Variants in TPH2 observed in about 807,000 individuals in gnomAD.
TPH2 encodes tryptophan hydroxylase 2, also known as tryptophan 5-hydroxylase 2.
A neutral mutation model predicts 59.1 loss-of-function variants in TPH2; 27 were observed. The ratio of observed to expected loss-of-function variants is 0.46; its 90% CI spans 0.34 to 0.63. The LOEUF is 0.63. Among genes scored for constraint, TPH2 ranks in the 30% least tolerant of loss-of-function variants. TPH2 has a pLI of 0.01. For synonymous variants in TPH2, 220 were observed against 210.5 expected (o/e 1.05, Z -0.39); for missense variants, 523 against 588.3 (o/e 0.89, Z 1.15).
At chr12:72,004,525 G>A (rs1872902530) in intron 8 of TPH2, among the ~76,000 whole-genome samples, 2 of 138,812 alleles carry the variant, frequency 1.4e-5, no homozygotes, top group South Asian at 6.0e-4. Context: ...TCCTGATATT[G>A]CGGACTTCTT....
intron 2 of TPH2, 112 bp downstream of exon 2, chr12:71,941,845 A>G (rs961439518): frequency 2.4e-6 from 3 of 1,258,464 alleles, no homozygotes; most frequent in South Asian, 1.2e-5. Context: ...GTGGTGAAAG[A>G]TTCAAAGGAA....
chr12:72,020,346 A>T (rs983354649), intron 8 of TPH2, among the ~76,000 whole-genome samples: 1 of 152,224 alleles, frequency 6.6e-6, no homozygotes, highest in African/African-American at 2.4e-5. Context: ...GGGATAGATG[A>T]TAAGCAGCAC....
intron 9 of TPH2, among the ~76,000 whole-genome samples, chr12:72,027,318 C>T (rs1873598665): frequency 6.6e-6 from 1 of 152,170 alleles, no homozygotes. Context: ...TGACTGAACA[C>T]ATATGTACAC....
intron 4 of TPH2, among the ~76,000 whole-genome samples, chr12:71,945,426 A>AT (rs201079707): frequency 0.014 from 2,077 of 152,164 alleles, 26 homozygotes; most frequent in South Asian, 0.023. Context: ...CATTATAGGC[A>AT]TTTTTTCCCT....
chr12:71,978,288 C>CTTAGACTG (rs1347238972), intron 6 of TPH2, among the ~76,000 whole-genome samples: 1 of 151,806 alleles, frequency 6.6e-6, no homozygotes, highest in African/African-American at 2.4e-5. Flanking sequence ...TTAAGTAGCC[C>CTTAGACTG]TTAGACTGAG....
chr12:71,993,989 G>A (rs894301736), intron 7 of TPH2, among the ~76,000 whole-genome samples: 2 of 152,166 alleles, frequency 1.3e-5, no homozygotes, highest in African/African-American at 4.8e-5. Flanking sequence ...ATACACAAAT[G>A]AATGGGCATG....
chr12:72,009,822 T>A (rs1250451533), intron 8 of TPH2, among the ~76,000 whole-genome samples: 1 of 152,208 alleles, frequency 6.6e-6, no homozygotes, highest in Non-Finnish European at 1.5e-5. Flanking sequence ...AAGAACACGA[T>A]GTAAACATCA....
intron 5 of TPH2, among the ~76,000 whole-genome samples, chr12:71,966,653 C>T (rs917954315): frequency 2.0e-5 from 3 of 152,138 alleles, no homozygotes; most frequent in Non-Finnish European, 2.9e-5. Context: ...TCACCCATTC[C>T]CTTACCCAAT....
chr12:72,015,754 T>G (rs1020083464), intron 8 of TPH2, among the ~76,000 whole-genome samples: 8 of 152,152 alleles, frequency 5.3e-5, no homozygotes, highest in African/African-American at 1.9e-4. Context: ...TTGCTAGACT[T>G]GCATCTGAAA....
At chr12:72,006,187 G>T (rs1394370552) in intron 8 of TPH2, among the ~76,000 whole-genome samples, 2 of 152,084 alleles carry the variant, frequency 1.3e-5, no homozygotes, top group Admixed American at 1.3e-4. Flanking sequence ...TTATACCCAG[G>T]CTCTGTCACT....
intron 5 of TPH2, chr12:71,962,179 A>G (rs2139195614): frequency 1.0e-6 from 1 of 986,064 alleles, no homozygotes; most frequent in Middle Eastern, 5.2e-4. Flanking sequence ...CACGTATGTC[A>G]GATGACTTGA....
At chr12:72,002,128 T>G (rs1187248635) in intron 8 of TPH2, among the ~76,000 whole-genome samples, 2 of 152,222 alleles carry the variant, frequency 1.3e-5, no homozygotes, top group Non-Finnish European at 2.9e-5. Flanking sequence ...TAATCATGCA[T>G]GTCACATACA....
chr12:72,018,201 T>C (rs1180037067), intron 8 of TPH2, among the ~76,000 whole-genome samples: 1 of 152,194 alleles, frequency 6.6e-6, no homozygotes, highest in African/African-American at 2.4e-5. Context: ...AATGAGCAGA[T>C]GGCACTATGT....
At chr12:72,012,225 C>A (rs1181594644) in intron 8 of TPH2, among the ~76,000 whole-genome samples, 3 of 150,758 alleles carry the variant, frequency 2.0e-5, no homozygotes, top group Non-Finnish European at 2.9e-5. Flanking sequence ...AAAGTCAGAC[C>A]CTCTTCCTGA....
intron 5 of TPH2, among the ~76,000 whole-genome samples, chr12:71,954,407 T>C (rs1474062141): frequency 6.6e-6 from 1 of 152,162 alleles, no homozygotes; most frequent in Non-Finnish European, 1.5e-5. Context: ...GAGGACACTT[T>C]CTAAAATCAT....
At chr12:71,943,111 ACTTAAT>A (rs1345036233) in intron 2 of TPH2, among the ~76,000 whole-genome samples, 3 of 152,224 alleles carry the variant, frequency 2.0e-5, no homozygotes, top group African/African-American at 4.8e-5. Context: ...TGGGCCTTGA[ACTTAAT>A]CTTAATATTA....
chr12:72,025,795 T>C (rs1014481097), intron 9 of TPH2, among the ~76,000 whole-genome samples: 2 of 152,230 alleles, frequency 1.3e-5, no homozygotes, highest in Non-Finnish European at 2.9e-5. Flanking sequence ...AGTAGGATTA[T>C]TGCCTTACCC....
At chr12:72,006,703 G>C (rs1872961880) in intron 8 of TPH2, among the ~76,000 whole-genome samples, 1 of 152,042 alleles carries the variant, frequency 6.6e-6, no homozygotes, top group African/African-American at 2.4e-5. Context: ...CCAAAGTCAA[G>C]GTGTCGCTGG....
intron 8 of TPH2, among the ~76,000 whole-genome samples, chr12:72,005,055 G>C (rs1326294171): frequency 6.6e-6 from 1 of 152,142 alleles, no homozygotes; most frequent in Non-Finnish European, 1.5e-5. Flanking sequence ...GCTTGCCACT[G>C]TAAGGATGGG....
Sources: gnomAD v4.1 joint callset for allele counts (sites outside exome capture counted in the v4.1 genomes callset) on GRCh38, gnomAD v4.1.1 for gene constraint, MANE v1.5 for transcripts, NCBI Gene and HGNC (gene_info 2026-07-23, HGNC 2026-07-21) for gene names.